The following CELF2 variants were observed in gnomAD, a reference collection of about 807,000 sequenced individuals.
The protein encoded by CELF2 is CUG triplet repeat RNA-binding protein 2.
CELF2 carries 8 observed loss-of-function variants against 62.6 expected under a neutral mutation model. That is an observed-to-expected ratio of 0.13 (90% confidence interval 0.07 to 0.23). The LOEUF is 0.23. CELF2 is among the 10% of genes least tolerant of loss of function. The pLI, the probability that CELF2 is intolerant of heterozygous loss-of-function variation, is 1.00. For synonymous variants in CELF2, 258 were observed against 250.0 expected, an observed-to-expected ratio of 1.03 and a Z score of -0.30; for missense variants, 333 against 671.0, an observed-to-expected ratio of 0.50 and a Z score of 5.56.
chr10:10,568,777 A>G, the CELF2 span, among the ~76,000 whole-genome samples: 9 of 152,184 alleles, frequency 5.9e-5, no homozygotes, highest in African/African-American at 1.7e-4. Flanking sequence ...GGGTTTAAAA[A>G]GAGGGGAAAG....
At chr10:10,734,312 A>T in the CELF2 span, among the ~76,000 whole-genome samples, 8 of 152,192 alleles carry the variant, frequency 5.3e-5, no homozygotes, top group Non-Finnish European at 1.0e-4. Context: ...AACCTTTGCA[A>T]GTTTCTTTCA....
chr10:11,175,613 C>T (rs1473358220), intron 2 of CELF2, among the ~76,000 whole-genome samples: 11 of 152,178 alleles, frequency 7.2e-5, no homozygotes, highest in Non-Finnish European at 2.9e-5. Context: ...GCTCACCCAG[C>T]AGTCCCCAGG....
chr10:10,571,737 CA>C, the CELF2 span, among the ~76,000 whole-genome samples: 3 of 152,082 alleles, frequency 2.0e-5, no homozygotes, highest in Non-Finnish European at 4.4e-5. Flanking sequence ...CAGATTCTTG[CA>C]GTAGATTTCA....
intron 1 of CELF2, among the ~76,000 whole-genome samples, chr10:11,122,108 G>A (rs916992954): frequency 6.6e-6 from 1 of 152,194 alleles, no homozygotes; most frequent in Non-Finnish European, 1.5e-5. Context: ...CTTCCATTGT[G>A]TTTTTAAGAA....
intron 1 of CELF2, among the ~76,000 whole-genome samples, chr10:11,116,978 C>T (rs910453313): frequency 6.6e-6 from 1 of 152,116 alleles, no homozygotes; most frequent in Non-Finnish European, 1.5e-5. Flanking sequence ...CTCTTTTTAG[C>T]GATAAGGAAA....
intron 1 of CELF2, among the ~76,000 whole-genome samples, chr10:11,048,537 C>T (rs1009138633): frequency 6.6e-6 from 1 of 152,242 alleles, no homozygotes; most frequent in Non-Finnish European, 1.5e-5. Context: ...TATCCCACCT[C>T]TACTTCCCGT....
At chr10:11,257,962 A>G (rs578123644) in intron 5 of CELF2, 90 bp downstream of exon 5, 1 of 1,476,548 alleles carries the variant, frequency 6.8e-7, no homozygotes, top group Admixed American at 1.8e-5. Flanking sequence ...CGCACACGGC[A>G]AGAGGTCACC....
chr10:10,748,796 A>G, the CELF2 span, among the ~76,000 whole-genome samples: 1 of 151,496 alleles, frequency 6.6e-6, no homozygotes. Flanking sequence ...AAAGAGGTCA[A>G]TGGCAGGACA....
chr10:11,125,547 GTCTC>G (rs968173367), intron 1 of CELF2, among the ~76,000 whole-genome samples: 5 of 152,080 alleles, frequency 3.3e-5, no homozygotes, highest in African/African-American at 9.7e-5. Flanking sequence ...AGGGGATTAA[GTCTC>G]TCAATTCACT....
chr10:10,487,557 A>C, the CELF2 span, among the ~76,000 whole-genome samples: 1 of 152,268 alleles, frequency 6.6e-6, no homozygotes, highest in East Asian at 1.9e-4. Flanking sequence ...CCATCCTTCC[A>C]TTGGGTATTA....
chr10:10,920,171 A>G (rs2064756279), intron 2 of CELF2, among the ~76,000 whole-genome samples: 1 of 152,226 alleles, frequency 6.6e-6, no homozygotes, highest in Non-Finnish European at 1.5e-5. Context: ...TCACATATAC[A>G]TGATGTAACC....
chr10:10,497,631 A>T, the CELF2 span, among the ~76,000 whole-genome samples: 1 of 151,992 alleles, frequency 6.6e-6, no homozygotes, highest in Non-Finnish European at 1.5e-5. Flanking sequence ...GGAGCCGGCC[A>T]CACCGCTGTC....
the CELF2 span, among the ~76,000 whole-genome samples, chr10:10,548,758 T>C: frequency 6.6e-6 from 1 of 152,212 alleles, no homozygotes; most frequent in African/African-American, 2.4e-5. Context: ...TTATTTTTCG[T>C]AAGTATTTTG....
chr10:11,142,408 G>A (rs1020973032), intron 1 of CELF2, among the ~76,000 whole-genome samples: 1 of 152,120 alleles, frequency 6.6e-6, no homozygotes, highest in Non-Finnish European at 1.5e-5. Context: ...GGCTGGGCTG[G>A]GCGCGGTGGC....
At chr10:10,831,787 CA>C (rs1471500837) in intron 1 of CELF2, among the ~76,000 whole-genome samples, 2 of 152,184 alleles carry the variant, frequency 1.3e-5, no homozygotes, top group African/African-American at 4.8e-5. Context: ...GCCTGACCAA[CA>C]TGGTGAAACC....
intron 1 of CELF2, among the ~76,000 whole-genome samples, chr10:11,138,376 C>G (rs566268836): frequency 1.3e-5 from 2 of 152,332 alleles, no homozygotes; most frequent in East Asian, 3.9e-4. Flanking sequence ...TTCTCTGTAG[C>G]TCTCAACTGT....
the CELF2 span, among the ~76,000 whole-genome samples, chr10:10,733,698 G>A: frequency 6.6e-6 from 1 of 152,136 alleles, no homozygotes; most frequent in South Asian, 2.1e-4. Flanking sequence ...AGTGAAAGGA[G>A]TTTCCCCTTA....
the CELF2 span, among the ~76,000 whole-genome samples, chr10:10,611,518 C>T: frequency 6.6e-6 from 1 of 152,132 alleles, no homozygotes; most frequent in East Asian, 1.9e-4. Flanking sequence ...ACTACACAGT[C>T]GTAATATGCC....
At chr10:11,248,441 C>T (rs1285534318) in intron 3 of CELF2, among the ~76,000 whole-genome samples, 1 of 151,056 alleles carries the variant, frequency 6.6e-6, no homozygotes, top group Non-Finnish European at 1.5e-5. Flanking sequence ...CCTCTCCATC[C>T]TTCCTTCCAT....
Sources: allele counts gnomAD v4.1 joint callset (sites outside exome capture counted in the v4.1 genomes callset), GRCh38; gene constraint gnomAD v4.1.1; transcripts MANE v1.5; gene names NCBI Gene and HGNC (gene_info 2026-07-23, HGNC 2026-07-21).